TENM4: variants seen among roughly 807,000 people sequenced by gnomAD.
The protein encoded by TENM4 is teneurin transmembrane protein 4.
In TENM4, 82 loss-of-function variants were observed where a neutral mutation model predicts 243.3. That is an observed-to-expected ratio of 0.34 (90% CI 0.28 to 0.40). The LOEUF (loss-of-function observed/expected upper bound fraction) is 0.40, where lower values mean the gene tolerates loss of function less well. TENM4 is among the 10% of genes least tolerant of loss of function. TENM4 has a pLI of 1.00. For missense variants in TENM4, 3,138 were observed against 3,673.3 expected (o/e 0.85, Z 3.77); for synonymous variants, 1,412 against 1,456.3 (o/e 0.97, Z 0.69).
intron 6 of TENM4, among the ~76,000 whole-genome samples, chr11:78,922,275 A>G (rs1003350277): frequency 7.2e-5 from 11 of 152,232 alleles, no homozygotes; most frequent in African/African-American, 2.7e-4. Flanking sequence ...CAGGCAGAAA[A>G]TAATAGGAGG....
chr11:79,334,781 A>T (rs1381098341), intron 1 of TENM4, among the ~76,000 whole-genome samples: 1 of 152,204 alleles, frequency 6.6e-6, no homozygotes, highest in East Asian at 1.9e-4. Context: ...TATGACTGAG[A>T]AATCCTGTCA....
intron 3 of TENM4, among the ~76,000 whole-genome samples, chr11:79,171,849 C>A (rs187553099): frequency 6.6e-6 from 1 of 152,204 alleles, no homozygotes; most frequent in Non-Finnish European, 1.5e-5. Flanking sequence ...CAAAGCACTT[C>A]CCCAACAATT....
At chr11:79,391,158 T>A (rs978769083) in intron 1 of TENM4, among the ~76,000 whole-genome samples, 1 of 152,204 alleles carries the variant, frequency 6.6e-6, no homozygotes, top group Non-Finnish European at 1.5e-5. Flanking sequence ...TCATGAAAAT[T>A]CAGTGAGTTA....
chr11:78,661,292 G>A (rs1304531738), intron 33 of TENM4, among the ~76,000 whole-genome samples, 157 bp downstream of exon 33: 1 of 152,208 alleles, frequency 6.6e-6, no homozygotes, highest in Non-Finnish European at 1.5e-5. Context: ...CTTCCTAGTG[G>A]TGGGTTACTA....
At chr11:79,093,606 TG>T (rs1861010677) in intron 4 of TENM4, 4 of 152,320 alleles carry the variant, frequency 2.6e-5, no homozygotes, top group Admixed American at 6.5e-5. Flanking sequence ...GGGAAGTCCT[TG>T]GGGCAAAGAA....
chr11:79,059,565 C>T (rs1056769751), intron 6 of TENM4, among the ~76,000 whole-genome samples: 1 of 152,206 alleles, frequency 6.6e-6, no homozygotes, highest in African/African-American at 2.4e-5. Flanking sequence ...AGGAAGATGG[C>T]ATGCTGTTTT....
chr11:79,029,635 C>A (rs1228735489), intron 6 of TENM4, among the ~76,000 whole-genome samples: 1 of 152,146 alleles, frequency 6.6e-6, no homozygotes, highest in African/African-American at 2.4e-5. Flanking sequence ...CTCCTCAAAA[C>A]CAGGCCTCAA....
At chr11:78,969,581 C>T (rs1408169829) in intron 6 of TENM4, among the ~76,000 whole-genome samples, 1 of 152,194 alleles carries the variant, frequency 6.6e-6, no homozygotes, top group Non-Finnish European at 1.5e-5. Context: ...ACACTTTGCT[C>T]AGCAGTCCTG....
chr11:79,349,068 C>T lies in TENM4; in HGVS notation c.-320-51525G>A, dbSNP rs975880851. 7.9e-5 allele frequency among the ~76,000 whole-genome samples: 12 copies of T among 152,256 alleles called. No individual in the cohort carries two copies. The East Asian group carries it at 1.4e-3, about 17-fold the overall frequency. ...AAGGGGAATGGCTTGCCCAGGACTA[C>T]AATACCAGGGTCCCGACTCCTGCTT... On this transcript the variant is annotated intron_variant, in intron 1 of 33. Transcript: ENST00000278550.
intron 6 of TENM4, among the ~76,000 whole-genome samples, chr11:79,060,245 G>C (rs548291140): frequency 2.0e-4 from 31 of 152,358 alleles, no homozygotes; most frequent in African/African-American, 6.5e-4. Context: ...AGGCCTGAGG[G>C]CTGGCTCTGC....
intron 15 of TENM4, among the ~76,000 whole-genome samples, chr11:78,804,107 T>A (rs1857339868): frequency 6.6e-6 from 1 of 152,236 alleles, no homozygotes; most frequent in South Asian, 2.1e-4. Flanking sequence ...AATGAGCTAA[T>A]CTGATACTCA....
intron 6 of TENM4, among the ~76,000 whole-genome samples, chr11:78,977,360 G>A (rs1328539359): frequency 1.3e-5 from 2 of 152,198 alleles, no homozygotes; most frequent in Non-Finnish European, 2.9e-5. Flanking sequence ...TTTCTGCAGG[G>A]CTGGGTGGTG....
intron 6 of TENM4, among the ~76,000 whole-genome samples, chr11:79,019,468 A>C (rs1419042350): frequency 6.6e-6 from 1 of 152,168 alleles, no homozygotes; most frequent in Non-Finnish European, 1.5e-5. Context: ...ACTAGCCATA[A>C]TAGCTGACTC....
intron 18 of TENM4, among the ~76,000 whole-genome samples, chr11:78,758,763 G>C (rs185167382): frequency 6.6e-6 from 1 of 152,236 alleles, no homozygotes; most frequent in Admixed American, 6.5e-5. Context: ...GTGCCCAGAA[G>C]CTTATAGTCT....
chr11:78,676,990 G>A (rs529614525), intron 29 of TENM4, among the ~76,000 whole-genome samples: 6 of 152,170 alleles, frequency 3.9e-5, no homozygotes, highest in Non-Finnish European at 8.8e-5. Flanking sequence ...AGGAGGGAAC[G>A]TGGAGCAGCT....
chr11:79,079,941 C>A (rs1860625890), intron 4 of TENM4, among the ~76,000 whole-genome samples: 2 of 152,172 alleles, frequency 1.3e-5, no homozygotes, highest in Admixed American at 1.3e-4. Flanking sequence ...AGTCCCATCC[C>A]TACTGAGTGG....
At chr11:79,218,682 T>A (rs1214230680) in intron 2 of TENM4, among the ~76,000 whole-genome samples, 3 of 152,212 alleles carry the variant, frequency 2.0e-5, no homozygotes, top group African/African-American at 7.2e-5. Context: ...CAACTGTTTG[T>A]CTTCAATCTT....
At chr11:78,741,802 G>A (rs1002228517) in intron 19 of TENM4, among the ~76,000 whole-genome samples, 14 of 152,158 alleles carry the variant, frequency 9.2e-5, no homozygotes, top group South Asian at 2.1e-4. Flanking sequence ...GTAGAACTCC[G>A]CAGTGGAAGA....
At position 78,670,411 on chromosome 11, in the gene TENM4, G is replaced by C. The variant is rs531636279; in HGVS notation, c.5934C>G (p.Ile1978Met). ...TIRSVGYYRN[I>M]YQPPEGNASV... is the part of the protein sequence containing the mutation. ...AGGCATTGCCCTCAGGGGGCTGATA[G>C]ATGTTTCTGTAGTAGCCCACTGAGC... is the stretch of plus-strand genomic sequence containing the variant. Residue 1978 changes from isoleucine to methionine, a missense_variant, in exon 32 of 34, where the codon ATC becomes ATG. Ile to Met is a conservative substitution (Grantham distance 10, BLOSUM62 1). Around this residue, in one of 2 missense-constraint regions of TENM4, gnomAD observed 2,467 missense variants for 3,059.1 expected, o/e 0.81. Coordinates refer to ENST00000278550, the MANE Select transcript of TENM4 (RefSeq NM_001098816.3). 3.5e-5 allele frequency: 57 copies of C among 1,614,018 alleles called. No individual in the cohort carries two copies. The South Asian group carries it at 4.6e-4, about 13-fold the overall frequency.
Sources: gnomAD v4.1 joint callset for allele counts (sites outside exome capture counted in the v4.1 genomes callset) on GRCh38, gnomAD v4.1.1 for gene constraint, gnomAD v4.1.1 regional missense constraint, MANE v1.5 for transcripts, NCBI Gene and HGNC (gene_info 2026-07-23, HGNC 2026-07-21) for gene names.